The following LY86 variants were observed in gnomAD, a reference collection of about 807,000 sequenced individuals.
The protein encoded by LY86 is MD-1, RP105-associated.
LY86 carries 20 observed loss-of-function variants against 17.3 expected under a neutral mutation model. The observed-to-expected ratio is 1.15, with a 90% CI of 0.81 to 1.68. The LOEUF is 1.68. Among genes scored for constraint, LY86 ranks in the 40% most tolerant of loss-of-function variants. LY86 has a pLI of 0.00. For synonymous variants in LY86, 74 were observed against 70.6 expected (o/e 1.05, Z -0.24); for missense variants, 200 against 191.9 (o/e 1.04, Z -0.25).
intron 1 of LY86, among the ~76,000 whole-genome samples, chr6:6,590,856 A>G (rs574332394): frequency 6.6e-6 from 1 of 152,304 alleles, no homozygotes; most frequent in Admixed American, 6.5e-5. Flanking sequence ...AGAGGTCCAG[A>G]TGGTCACTCT....
chr6:6,598,410 G>A (rs1298357726), intron 1 of LY86, among the ~76,000 whole-genome samples: 1 of 152,040 alleles, frequency 6.6e-6, no homozygotes, highest in Non-Finnish European at 1.5e-5. Context: ...CAAGATTACA[G>A]TAATATTTAT....
chr6:6,602,841 C>G (rs1230117936), intron 1 of LY86, among the ~76,000 whole-genome samples: 2 of 152,208 alleles, frequency 1.3e-5, no homozygotes, highest in African/African-American at 4.8e-5. Context: ...CTTACTCCCA[C>G]AGTCACAGAA....
At chr6:6,646,836 AG>A (rs1479672305) in intron 3 of LY86, among the ~76,000 whole-genome samples, 3 of 152,300 alleles carry the variant, frequency 2.0e-5, no homozygotes, top group African/African-American at 7.2e-5. Context: ...ATTGACCTTC[AG>A]TAGCATCAGA....
chr6:6,649,143 G>A (rs1350131487), intron 3 of LY86, among the ~76,000 whole-genome samples: 2 of 152,212 alleles, frequency 1.3e-5, no homozygotes, highest in Non-Finnish European at 2.9e-5. Flanking sequence ...CATCTTATAC[G>A]GTGGCAGGCA....
chr6:6,640,758 A>G (rs1326539734), intron 3 of LY86, among the ~76,000 whole-genome samples: 1 of 152,144 alleles, frequency 6.6e-6, no homozygotes, highest in Non-Finnish European at 1.5e-5. Flanking sequence ...AAAGGAGGGT[A>G]GAGATGAGTA....
intron 1 of LY86, among the ~76,000 whole-genome samples, chr6:6,611,492 A>G (rs1354262368): frequency 6.6e-6 from 1 of 152,234 alleles, no homozygotes; most frequent in Admixed American, 6.5e-5. Context: ...AGAAGTGATC[A>G]CTGTTATTAC....
chr6:6,620,682 G>C (rs896278865), intron 1 of LY86, among the ~76,000 whole-genome samples: 2 of 152,212 alleles, frequency 1.3e-5, no homozygotes, highest in Non-Finnish European at 2.9e-5. Context: ...TGACAAGGTT[G>C]TCCTCCCCTC....
Position 6,598,332 on chromosome 6 carries a change from G to A in LY86, c.136+9462G>A, listed in dbSNP as rs191506909. Among the ~76,000 whole-genome samples, 35 of 151,712 alleles carry A rather than the reference G, an allele frequency of 2.3e-4. No individual in the cohort carries two copies. In the East Asian group the frequency reaches 6.0e-3, roughly 26 times the overall value. On this transcript the variant is annotated intron_variant, in intron 1 of 4. Transcript: ENST00000230568. ...CCTCATTTCAAAATACTGATACCATGAGTTTACATTTATCTCTTTATTATC... is the reference window on the plus strand; with the variant it reads ...CCTCATTTCAAAATACTGATACCATAAGTTTACATTTATCTCTTTATTATC...
At chr6:6,606,589 G>A (rs1363075994) in intron 1 of LY86, among the ~76,000 whole-genome samples, 2 of 152,220 alleles carry the variant, frequency 1.3e-5, no homozygotes, top group Non-Finnish European at 2.9e-5. Context: ...CTCAGGCATG[G>A]CGGGCTGCAG....
At chr6:6,635,435 C>G (rs2113150674) in intron 3 of LY86, among the ~76,000 whole-genome samples, 1 of 152,230 alleles carries the variant, frequency 6.6e-6, no homozygotes, top group East Asian at 1.9e-4. Flanking sequence ...GCCTTTCTCT[C>G]TCACTCTCTC....
At chr6:6,601,970 T>C (rs1760925537) in intron 1 of LY86, among the ~76,000 whole-genome samples, 2 of 152,180 alleles carry the variant, frequency 1.3e-5, no homozygotes, top group South Asian at 2.1e-4. Flanking sequence ...ACAAAACCCA[T>C]CTGGAAGCTA....
intron 2 of LY86, 21 bp from the exon 3 acceptor site, chr6:6,626,272 C>T (rs1234507096): frequency 6.2e-7 from 1 of 1,612,522 alleles, no homozygotes; most frequent in Non-Finnish European, 8.5e-7. Flanking sequence ...AAGAGTAAAG[C>T]TGTTCTTCTC....
chr6:6,610,702 G>A (rs1761310489), intron 1 of LY86, among the ~76,000 whole-genome samples: 1 of 152,204 alleles, frequency 6.6e-6, no homozygotes, highest in African/African-American at 2.4e-5. Flanking sequence ...TGGGGTGTGT[G>A]TGTGCATTCT....
chr6:6,591,394 AT>A (rs1349311561), intron 1 of LY86: 1 of 153,842 alleles, frequency 6.5e-6, no homozygotes, highest in Non-Finnish European at 1.5e-5. Flanking sequence ...AACAGGGTAA[AT>A]GCTTTGTGTG....
intron 4 of LY86, among the ~76,000 whole-genome samples, chr6:6,653,016 T>C (rs1400005296): frequency 6.6e-6 from 1 of 152,262 alleles, no homozygotes; most frequent in African/African-American, 2.4e-5. Context: ...CGGTCTTTAC[T>C]CATAATTAAT....
intron 1 of LY86, among the ~76,000 whole-genome samples, chr6:6,599,007 G>A (rs1760814536): frequency 6.6e-6 from 1 of 152,274 alleles, no homozygotes; most frequent in Middle Eastern, 3.4e-3. Context: ...GAGCTGATCA[G>A]TCCTTCTGTT....
intron 1 of LY86, among the ~76,000 whole-genome samples, chr6:6,611,247 T>A (rs1400017084): frequency 6.6e-6 from 1 of 152,218 alleles, no homozygotes; most frequent in Non-Finnish European, 1.5e-5. Context: ...GGACTTGAGT[T>A]TTTTTGTATA....
intron 1 of LY86, among the ~76,000 whole-genome samples, chr6:6,595,009 C>T (rs1357355989): frequency 6.6e-6 from 1 of 151,900 alleles, no homozygotes; most frequent in Non-Finnish European, 1.5e-5. Context: ...CAGGGTGAGA[C>T]CAGGCAGAAG....
intron 3 of LY86, among the ~76,000 whole-genome samples, chr6:6,639,171 T>C (rs1471126795): frequency 6.6e-6 from 1 of 151,730 alleles, no homozygotes; most frequent in Non-Finnish European, 1.5e-5. Flanking sequence ...CTCTAAAGTA[T>C]TTTTAACAGT....
Sources: allele counts gnomAD v4.1 joint callset (sites outside exome capture counted in the v4.1 genomes callset), GRCh38; gene constraint gnomAD v4.1.1; transcripts MANE v1.5; gene names NCBI Gene and HGNC (gene_info 2026-07-23, HGNC 2026-07-21).